Variants in DGKB observed in about 807,000 individuals in gnomAD.
The protein encoded by DGKB is 90 kDa diacylglycerol kinase.
Under a neutral mutation model 114.3 loss-of-function variants are expected in DGKB, and 67 were observed. That is an observed-to-expected ratio of 0.59 (90% CI 0.48 to 0.72). DGKB has a LOEUF of 0.72. DGKB is among the 30% of genes least tolerant of loss of function. The pLI is 0.00. For synonymous variants in DGKB, 398 were observed against 323.1 expected, an observed-to-expected ratio of 1.23 and a Z score of -2.49; for missense variants, 907 against 975.2, an observed-to-expected ratio of 0.93 and a Z score of 0.93.
At chr7:14,616,461 A>G (rs976275502) in intron 15 of DGKB, among the ~76,000 whole-genome samples, 1 of 151,732 alleles carries the variant, frequency 6.6e-6, no homozygotes, top group Non-Finnish European at 1.5e-5. Context: ...TTGTGAAATA[A>G]TATGTAAAAT....
intron 21 of DGKB, among the ~76,000 whole-genome samples, chr7:14,373,850 ATTTTTCAT>A (rs1051635093): frequency 1.3e-5 from 2 of 151,278 alleles, no homozygotes; most frequent in African/African-American, 4.9e-5. Flanking sequence ...TCATTTTTTC[ATTTTTCAT>A]TTTTTCATTT....
At chr7:14,691,513 G>T (rs1822861157) in intron 9 of DGKB, among the ~76,000 whole-genome samples, 1 of 151,962 alleles carries the variant, frequency 6.6e-6, no homozygotes, top group Non-Finnish European at 1.5e-5. Context: ...TGCTAAAAAA[G>T]GTTCTCATCA....
chr7:14,426,561 C>G (rs1827560714), intron 21 of DGKB, among the ~76,000 whole-genome samples: 2 of 151,988 alleles, frequency 1.3e-5, no homozygotes, highest in Admixed American at 1.3e-4. Flanking sequence ...TAATGCTGTC[C>G]CACTGCTACC....
At chr7:14,601,234 A>G (rs1803490471) in intron 17 of DGKB, among the ~76,000 whole-genome samples, 1 of 152,182 alleles carries the variant, frequency 6.6e-6, no homozygotes, top group African/African-American at 2.4e-5. Flanking sequence ...ACTAGAATGC[A>G]TTGAGCAGAA....
rs1231260505 is a variant in DGKB at position 14,280,511 on chromosome 7, G to A, written c.2122+58004C>T. Among the ~76,000 whole-genome samples the A allele has an allele frequency of 2.6e-3, 388 of 148,496 alleles. 2 individuals carry two copies. The highest frequency in any genetic ancestry group is 6.6e-3 in the African/African-American group (269 of 40,670). On this transcript the variant is annotated intron_variant, in intron 23 of 25. Transcript: ENST00000402815. ...TTCAGATTCAGGAAATACAGAGAACGCCACAAAGATACTCCTCGAGAAGAG... is the reference window on the plus strand; with the variant it reads ...TTCAGATTCAGGAAATACAGAGAACACCACAAAGATACTCCTCGAGAAGAG...
chr7:14,226,752 A>G (rs1006345552), intron 23 of DGKB, among the ~76,000 whole-genome samples: 2 of 152,112 alleles, frequency 1.3e-5, no homozygotes, highest in African/African-American at 4.8e-5. Context: ...TTAACTTATA[A>G]TACATGAAAT....
chr7:14,736,530 A>G (rs945224082), intron 4 of DGKB, among the ~76,000 whole-genome samples: 11 of 152,176 alleles, frequency 7.2e-5, no homozygotes, highest in Admixed American at 6.5e-5. Flanking sequence ...CCCACCCCAC[A>G]TAGTTGTTGC....
Position 14,723,545 on chromosome 7 carries a change from G to A in DGKB, c.323-4860C>T, listed in dbSNP as rs575317446. ...TTAAATATTTCATCACAAAAGTGAA[G>A]CAAATGTGTGTGTGTGTATATATAT... On this transcript the variant is annotated intron_variant, in intron 5 of 25. Coordinates refer to ENST00000402815, the MANE Select transcript of DGKB (RefSeq NM_001350709.2). 5.3e-5 allele frequency among the ~76,000 whole-genome samples: 8 copies of A among 151,846 alleles called. No individual in the cohort carries two copies. In the South Asian group the frequency reaches 1.7e-3, roughly 32 times the overall value.
chr7:14,715,897 C>T (rs974756954), intron 6 of DGKB, among the ~76,000 whole-genome samples: 1 of 152,092 alleles, frequency 6.6e-6, no homozygotes, highest in Non-Finnish European at 1.5e-5. Flanking sequence ...ATCAGTAAAA[C>T]ATTTGGGAAC....
chr7:14,394,029 C>T (rs193228301), intron 21 of DGKB, among the ~76,000 whole-genome samples: 10 of 151,830 alleles, frequency 6.6e-5, no homozygotes, highest in African/African-American at 2.4e-4. Context: ...TTCTTTTTAT[C>T]TTAAATAGCA....
At chr7:14,473,078 G>C (rs1022473249) in intron 21 of DGKB, among the ~76,000 whole-genome samples, 1 of 152,184 alleles carries the variant, frequency 6.6e-6, no homozygotes, top group Non-Finnish European at 1.5e-5. Context: ...GGAGTCAAAC[G>C]TTAATCCCCA....
At chr7:14,300,854 A>G (rs1803425611) in intron 23 of DGKB, among the ~76,000 whole-genome samples, 1 of 152,118 alleles carries the variant, frequency 6.6e-6, no homozygotes, top group South Asian at 2.1e-4. Flanking sequence ...ACTAGAGCAA[A>G]TGGCTGTTGA....
intron 23 of DGKB, among the ~76,000 whole-genome samples, chr7:14,331,659 A>C (rs1809739320): frequency 6.6e-6 from 1 of 152,166 alleles, no homozygotes; most frequent in Middle Eastern, 3.4e-3. Context: ...AGCACTCACC[A>C]CCAGTGAGCT....
intron 6 of DGKB, among the ~76,000 whole-genome samples, chr7:14,716,706 T>G (rs974243874): frequency 6.6e-6 from 1 of 152,006 alleles, no homozygotes; most frequent in Non-Finnish European, 1.5e-5. Flanking sequence ...TGAGGAAGAT[T>G]GATTGTTATT....
intron 21 of DGKB, among the ~76,000 whole-genome samples, chr7:14,368,362 T>C (rs1194340591): frequency 1.3e-5 from 2 of 152,178 alleles, no homozygotes; most frequent in Non-Finnish European, 2.9e-5. Context: ...AAAAATCCTC[T>C]GTGTTCCACC....
At chr7:14,311,720 C>A (rs1349657334) in intron 23 of DGKB, among the ~76,000 whole-genome samples, 5 of 152,176 alleles carry the variant, frequency 3.3e-5, no homozygotes, top group Non-Finnish European at 7.3e-5. Flanking sequence ...GCCTCCATGC[C>A]TGGTCATTTT....
intron 5 of DGKB, among the ~76,000 whole-genome samples, chr7:14,730,881 C>T (rs962767308): frequency 6.6e-6 from 1 of 152,144 alleles, no homozygotes; most frequent in African/African-American, 2.4e-5. Context: ...AAAAAATGCT[C>T]TGACAGTTGA....
intron 23 of DGKB, among the ~76,000 whole-genome samples, chr7:14,304,308 C>T (rs1804097230): frequency 6.6e-6 from 1 of 151,970 alleles, no homozygotes; most frequent in Admixed American, 6.6e-5. Context: ...TCATTACACC[C>T]AGTTAATGTA....
intron 20 of DGKB, among the ~76,000 whole-genome samples, chr7:14,570,683 C>A (rs1475715252): frequency 1.4e-4 from 22 of 151,936 alleles, no homozygotes; most frequent in Admixed American, 1.3e-3. Context: ...TCATAAAGGT[C>A]TTTATCTTCA....
Sources: allele counts gnomAD v4.1 joint callset (sites outside exome capture counted in the v4.1 genomes callset), GRCh38; gene constraint gnomAD v4.1.1; transcripts MANE v1.5; gene names NCBI Gene and HGNC (gene_info 2026-07-23, HGNC 2026-07-21).